The following NXPH2 variants were observed in gnomAD, a reference collection of about 807,000 sequenced individuals.
NXPH2 encodes the protein neurexophilin 2, also known as neurexophilin-2.
A neutral mutation model predicts 19.8 loss-of-function variants in NXPH2; 5 were observed. The observed-to-expected ratio is 0.25, with a 90% CI of 0.13 to 0.53. The LOEUF is 0.53. Ranked by LOEUF, NXPH2 falls within the 20% of genes least tolerant of loss-of-function variation. The pLI, the probability that NXPH2 is intolerant of heterozygous loss-of-function variation, is 0.96. For missense variants in NXPH2, 289 were observed against 322.8 expected (o/e 0.90, Z 0.80); for synonymous variants, 154 against 127.4 (o/e 1.21, Z -1.41).
chr2:138,719,402 A>T (rs1681242789), intron 1 of NXPH2, among the ~76,000 whole-genome samples: 1 of 152,174 alleles, frequency 6.6e-6, no homozygotes, highest in Non-Finnish European at 1.5e-5. Context: ...AGTCTTTCGG[A>T]ATTTACTTTT....
chr2:138,681,979 T>C (rs1357012664), intron 1 of NXPH2, among the ~76,000 whole-genome samples: 1 of 152,134 alleles, frequency 6.6e-6, no homozygotes, highest in Non-Finnish European at 1.5e-5. Flanking sequence ...GGCTTACAGA[T>C]CCCTTTACAG....
At chr2:138,735,760 T>C (rs1681529057) in intron 1 of NXPH2, among the ~76,000 whole-genome samples, 1 of 152,174 alleles carries the variant, frequency 6.6e-6, no homozygotes, top group African/African-American at 2.4e-5. Context: ...ACAAAGCAAG[T>C]CCTTTCTGCC....
intron 1 of NXPH2, among the ~76,000 whole-genome samples, chr2:138,699,793 G>A (rs1021695907): frequency 6.6e-6 from 1 of 152,186 alleles, no homozygotes; most frequent in African/African-American, 2.4e-5. Context: ...TATCAGCTGC[G>A]AAAACACGTT....
chr2:138,696,892 G>C (rs777196283), intron 1 of NXPH2, among the ~76,000 whole-genome samples: 2 of 151,586 alleles, frequency 1.3e-5, no homozygotes, highest in Non-Finnish European at 2.9e-5. Context: ...ATTAAATAAT[G>C]GATAATCAAA....
chr2:138,708,127 A>G (rs1681045293), intron 1 of NXPH2, among the ~76,000 whole-genome samples: 1 of 152,158 alleles, frequency 6.6e-6, no homozygotes, highest in Admixed American at 6.5e-5. Context: ...CCTACTACAC[A>G]GGGCATTTAA....
At chr2:138,691,394 C>T (rs1443400759) in intron 1 of NXPH2, among the ~76,000 whole-genome samples, 1 of 152,176 alleles carries the variant, frequency 6.6e-6, no homozygotes, top group Non-Finnish European at 1.5e-5. Context: ...ATGACCACTA[C>T]ATCTTCTATC....
chr2:138,711,970 A>C (rs986340421), intron 1 of NXPH2, among the ~76,000 whole-genome samples: 1 of 152,218 alleles, frequency 6.6e-6, no homozygotes, highest in Non-Finnish European at 1.5e-5. Context: ...TTGGGGTGTC[A>C]CTAGAAGAGG....
chr2:138,762,363 T>C (rs1230670307), intron 1 of NXPH2, among the ~76,000 whole-genome samples: 1 of 152,160 alleles, frequency 6.6e-6, no homozygotes, highest in African/African-American at 2.4e-5. Context: ...AAGCTCTCAT[T>C]AATAGCATTC....
intron 1 of NXPH2, among the ~76,000 whole-genome samples, chr2:138,731,418 A>G (rs1681448592): frequency 6.6e-6 from 1 of 152,132 alleles, no homozygotes; most frequent in East Asian, 1.9e-4. Context: ...TGACCCAGGA[A>G]ACCCAAATGT....
At chr2:138,718,248 T>C (rs1433901752) in intron 1 of NXPH2, among the ~76,000 whole-genome samples, 2 of 152,058 alleles carry the variant, frequency 1.3e-5, no homozygotes, top group East Asian at 1.9e-4. Context: ...AAATTTTACA[T>C]ACTGTTGAAA....
At chr2:138,716,635 C>T (rs962441669) in intron 1 of NXPH2, among the ~76,000 whole-genome samples, 1 of 152,174 alleles carries the variant, frequency 6.6e-6, no homozygotes, top group African/African-American at 2.4e-5. Flanking sequence ...GTATTCGGTC[C>T]TTTTCTAGAT....
At chr2:138,672,292 G>T (rs376030451) in intron 1 of NXPH2, among the ~76,000 whole-genome samples, 18 of 152,078 alleles carry the variant, frequency 1.2e-4, no homozygotes, top group East Asian at 5.8e-4. Flanking sequence ...AAAACAGAAA[G>T]TAATGTAGAG....
intron 1 of NXPH2, among the ~76,000 whole-genome samples, chr2:138,693,481 T>C (rs933271226): frequency 2.6e-5 from 4 of 152,200 alleles, no homozygotes; most frequent in African/African-American, 9.7e-5. Context: ...CCCACAAGTC[T>C]GATTGCCTAG....
intron 1 of NXPH2, among the ~76,000 whole-genome samples, chr2:138,686,455 C>T (rs941361203): frequency 1.3e-5 from 2 of 152,020 alleles, no homozygotes; most frequent in Admixed American, 6.6e-5. Context: ...GCAAATTTAG[C>T]TGTGAGATGT....
In NXPH2 at chr2:138,737,065, A is replaced by T. The variant is rs537181022; in HGVS notation, c.51+43126T>A. ...TCTAGGAAGTTCCAAACTTTCCCAC[A>T]TTTTCCTGTCTTCTTCTGAGCCCTC... is the stretch of plus-strand genomic sequence containing the variant. On this transcript the variant is annotated intron_variant, in intron 1 of 1. Coordinates refer to ENST00000272641, the MANE Select transcript of NXPH2 (RefSeq NM_007226.3). Among the ~76,000 whole-genome samples the T allele has an allele frequency of 5.2e-4, 79 of 152,130 alleles. 1 individual carries two copies. Among genetic ancestry groups the T allele is most frequent in the African/African-American group, 1.8e-3 (75 of 41,512 alleles).
rs550374946 is a variant in NXPH2 at position 138,734,953 on chromosome 2, T to C, written c.51+45238A>G. 2.4e-4 allele frequency among the ~76,000 whole-genome samples: 37 copies of C among 152,240 alleles called. No homozygotes were observed. The East Asian group carries it at 7.2e-3, about 29-fold the overall frequency. ...ACTGGTCAAGGGCCAGGGATGTAGA[T>C]TTAGGGGCCATCAGTCTATAAGTAG... On this transcript the variant is annotated intron_variant, in intron 1 of 1. Transcript: ENST00000272641.
intron 1 of NXPH2, among the ~76,000 whole-genome samples, chr2:138,688,670 T>C (rs1014466287): frequency 6.6e-6 from 1 of 152,170 alleles, no homozygotes; most frequent in African/African-American, 2.4e-5. Context: ...TATTGAAAGC[T>C]TCATGAATGA....
intron 1 of NXPH2, among the ~76,000 whole-genome samples, chr2:138,725,057 C>G (rs1199615032): frequency 1.3e-5 from 2 of 152,126 alleles, no homozygotes; most frequent in African/African-American, 4.8e-5. Context: ...AAAGATAAAC[C>G]AATACATAGC....
chr2:138,760,701 C>T (rs549471723), intron 1 of NXPH2, among the ~76,000 whole-genome samples: 1 of 152,244 alleles, frequency 6.6e-6, no homozygotes, highest in South Asian at 2.1e-4. Flanking sequence ...CACCTTAAAC[C>T]CATGGTATCT....
Sources: allele counts gnomAD v4.1 joint callset (sites outside exome capture counted in the v4.1 genomes callset), GRCh38; gene constraint gnomAD v4.1.1; transcripts MANE v1.5; gene names NCBI Gene and HGNC (gene_info 2026-07-23, HGNC 2026-07-21).